Variants in TNPO3 observed in about 807,000 individuals in gnomAD.
The protein encoded by TNPO3 is transportin-3.
Under a neutral mutation model 122.8 loss-of-function variants are expected in TNPO3, and 65 were observed. The observed-to-expected ratio is 0.53, with a 90% CI of 0.43 to 0.65. The LOEUF (loss-of-function observed/expected upper bound fraction) is 0.65, where lower values mean the gene tolerates loss of function less well. Ranked by LOEUF, TNPO3 falls within the 30% of genes least tolerant of loss-of-function variation. The pLI, the probability that TNPO3 is intolerant of heterozygous loss-of-function variation, is 0.00. For synonymous variants in TNPO3, 372 were observed against 411.2 expected, an observed-to-expected ratio of 0.90 and a Z score of 1.15; for missense variants, 850 against 1,136.7, an observed-to-expected ratio of 0.75 and a Z score of 3.63.
At chr7:128,990,933 A>G (rs1800679051) in intron 10 of TNPO3, among the ~76,000 whole-genome samples, 1 of 152,180 alleles carries the variant, frequency 6.6e-6, no homozygotes, top group Non-Finnish European at 1.5e-5. Context: ...TTTTATATGC[A>G]CTAAAAAATT....
chr7:128,994,785 G>A (rs1023121977), intron 8 of TNPO3, among the ~76,000 whole-genome samples: 1 of 152,074 alleles, frequency 6.6e-6, no homozygotes, highest in African/African-American at 2.4e-5. Context: ...CAGCCCCGGA[G>A]CAGCTGGGAC....
intron 18 of TNPO3, among the ~76,000 whole-genome samples, chr7:128,974,505 G>T (rs1182312885): frequency 6.6e-6 from 1 of 151,908 alleles, no homozygotes; most frequent in Non-Finnish European, 1.5e-5. Flanking sequence ...ATATCTAAAG[G>T]ATGCTAAGCT....
At chr7:128,986,358 C>G (rs563574372) in intron 12 of TNPO3, among the ~76,000 whole-genome samples, 1 of 152,178 alleles carries the variant, frequency 6.6e-6, no homozygotes, top group Non-Finnish European at 1.5e-5. Context: ...GGCACTGATC[C>G]ATGTATACTA....
intron 20 of TNPO3, 139 bp from the exon 21 acceptor site, chr7:128,967,531 A>G (rs1798040645): frequency 1.0e-5 from 6 of 600,984 alleles, no homozygotes; most frequent in Non-Finnish European, 1.8e-5. Flanking sequence ...AAAGGAATCA[A>G]CAAAAGTGCT....
intron 1 of TNPO3, among the ~76,000 whole-genome samples, chr7:129,026,959 ATTTTT>A (rs1368190103): frequency 6.6e-6 from 1 of 150,868 alleles, no homozygotes; most frequent in Non-Finnish European, 1.5e-5. Context: ...CACCCAGCTA[ATTTTT>A]TTTTATTTTT....
At chr7:128,967,155 T>A (rs1798001687) in intron 21 of TNPO3, 125 bp downstream of exon 21, 2 of 653,842 alleles carry the variant, frequency 3.1e-6, no homozygotes, top group South Asian at 3.8e-5. Context: ...TGGCTTCCAA[T>A]GCCAATTTGT....
At chr7:129,006,202 T>A (rs1052829062) in intron 4 of TNPO3, among the ~76,000 whole-genome samples, 1 of 152,236 alleles carries the variant, frequency 6.6e-6, no homozygotes, top group African/African-American at 2.4e-5. Flanking sequence ...AGAGAGAGGT[T>A]ACAGACTTAC....
chr7:128,986,690 C>T (rs1423003445), intron 12 of TNPO3, 39 bp downstream of exon 12: 1 of 1,559,408 alleles, frequency 6.4e-7, no homozygotes, highest in African/African-American at 1.4e-5. Flanking sequence ...CAGGTAGTGG[C>T]TTTGAGGTGA....
intron 16 of TNPO3, among the ~76,000 whole-genome samples, chr7:128,977,721 T>C (rs1453105506): frequency 3.3e-5 from 5 of 152,030 alleles, no homozygotes; most frequent in Non-Finnish European, 7.4e-5. Flanking sequence ...CTCAGCCTCA[T>C]GAATAGCTGG....
At chr7:129,050,551 A>G (rs929119603) in intron 1 of TNPO3, among the ~76,000 whole-genome samples, 2 of 152,202 alleles carry the variant, frequency 1.3e-5, no homozygotes, top group African/African-American at 2.4e-5. Context: ...CTCTCCCACC[A>G]TAACAGAAGA....
At chr7:129,022,472 AAAAAG>A (rs762061391) in intron 1 of TNPO3, among the ~76,000 whole-genome samples, 2 of 152,170 alleles carry the variant, frequency 1.3e-5, no homozygotes, top group Middle Eastern at 3.4e-3. Flanking sequence ...CTTAAAAAAA[AAAAAG>A]AAAAGGTTTC....
chr7:129,015,689 C>T (rs569711500), intron 3 of TNPO3, among the ~76,000 whole-genome samples: 2 of 152,028 alleles, frequency 1.3e-5, no homozygotes, highest in Admixed American at 6.6e-5. Context: ...TTTAATCAGC[C>T]AGGCATGGTG....
chr7:128,974,553 A>G (rs1798859933), intron 18 of TNPO3, among the ~76,000 whole-genome samples: 1 of 152,152 alleles, frequency 6.6e-6, no homozygotes, highest in South Asian at 2.1e-4. Context: ...TGAAATCGCA[A>G]CAGCACGAAC....
At chr7:129,037,516 C>A (rs888319294) in intron 1 of TNPO3, among the ~76,000 whole-genome samples, 6 of 152,090 alleles carry the variant, frequency 3.9e-5, no homozygotes, top group African/African-American at 1.4e-4. Flanking sequence ...CTGGGACTCG[C>A]AGACACAAGC....
At chr7:129,032,860 C>T (rs745754875) in intron 1 of TNPO3, among the ~76,000 whole-genome samples, 7 of 152,036 alleles carry the variant, frequency 4.6e-5, no homozygotes, top group Admixed American at 1.3e-4. Context: ...GTTTCCTTCA[C>T]GTGGAATCTC....
In TNPO3 at chr7:129,054,859, G is replaced by A; in HGVS notation, c.-89C>T. 3 of 1,573,204 alleles carry A rather than the reference G, an allele frequency of 1.9e-6. No homozygotes were observed. Among genetic ancestry groups the A allele is most frequent in the Non-Finnish European group, 2.6e-6 (3 of 1,153,364 alleles). On this transcript the variant is annotated 5_prime_UTR_variant, in exon 1 of 23. Coordinates refer to ENST00000265388, the MANE Select transcript of TNPO3 (RefSeq NM_012470.4). ...CCGCCTTCGCGCTTCCTCACTGTCT[G>A]GGCCACGGCCGCTCCCTGACTGGCG... is the stretch of plus-strand genomic sequence containing the variant.
chr7:128,999,254 C>T (rs1801667500), intron 7 of TNPO3, among the ~76,000 whole-genome samples: 1 of 152,188 alleles, frequency 6.6e-6, no homozygotes, highest in African/African-American at 2.4e-5. Context: ...CTGAACATAA[C>T]TGATTCAGCT....
chr7:128,975,786 C>T, intron 17 of TNPO3, 33 bp downstream of exon 17: 1 of 1,387,198 alleles, frequency 7.2e-7, no homozygotes, highest in Non-Finnish European at 1.0e-6. Flanking sequence ...CCCTCTAGGC[C>T]TGATGCGTCT....
In TNPO3 at chr7:128,972,407, G is replaced by GT. The variant is rs1798582864; in HGVS notation, c.2430+18dup. On this transcript the variant is annotated intron_variant, in intron 19 of 22. Transcript: ENST00000265388. ...AGATAAAAGCTGTTAAGTAGAAATG[G>GT]TATCATTTTTATACTTACATCATTG... is the stretch of plus-strand genomic sequence containing the variant. 6.3e-7 allele frequency: 1 copy of GT among 1,599,058 alleles called. No individual in the cohort carries two copies. Among genetic ancestry groups the GT allele is most frequent in the Non-Finnish European group, 8.5e-7 (1 of 1,172,542 alleles).
Sources: allele counts gnomAD v4.1 joint callset (sites outside exome capture counted in the v4.1 genomes callset), GRCh38; gene constraint gnomAD v4.1.1; transcripts MANE v1.5; gene names NCBI Gene and HGNC (gene_info 2026-07-23, HGNC 2026-07-21).